TNFRSF10C: variants seen among roughly 807,000 people sequenced by gnomAD.
The protein encoded by TNFRSF10C is TNF receptor superfamily member 10c.
Under a neutral mutation model 16.7 loss-of-function variants are expected in TNFRSF10C, and 17 were observed. That is an observed-to-expected ratio of 1.02 (90% CI 0.70 to 1.53). The LOEUF is 1.53. TNFRSF10C is among the 40% of genes most tolerant of loss of function. The pLI, the probability that TNFRSF10C is intolerant of heterozygous loss-of-function variation, is 0.00. For synonymous variants in TNFRSF10C, 73 were observed against 119.7 expected, an observed-to-expected ratio of 0.61 and a Z score of 2.55; for missense variants, 237 against 329.7, an observed-to-expected ratio of 0.72 and a Z score of 2.18.
intron 1 of TNFRSF10C, among the ~76,000 whole-genome samples, chr8:23,107,950 A>G (rs1813808041): frequency 6.6e-6 from 1 of 152,228 alleles, no homozygotes; most frequent in South Asian, 2.1e-4. Flanking sequence ...TGCCATGGCT[A>G]TCTCAGTATC....
chr8:23,107,311 A>T (rs1813797133), intron 1 of TNFRSF10C, among the ~76,000 whole-genome samples: 2 of 152,234 alleles, frequency 1.3e-5, no homozygotes. Context: ...TATTCTGACA[A>T]AAAGCAGAAT....
At chr8:23,109,359 C>T (rs943465820) in intron 1 of TNFRSF10C, among the ~76,000 whole-genome samples, 12 of 151,950 alleles carry the variant, frequency 7.9e-5, no homozygotes, top group South Asian at 2.1e-4. Context: ...AATTATGGGC[C>T]GGGCACGGTG....
rs1168364470 is a variant in TNFRSF10C, at chr8:23,116,651, G to A, written c.400G>A (p.Gly134Arg). ...TCTGTGTGTACCCAGGTGCCCTAGT[G>A]GGGAAGTCCAAGTCAGTAATTGTAC... ...MCRKCSRCPS[G>R]EVQVSNCTSW... Residue 134 changes from glycine (G) to arginine (R), a missense_variant, in exon 5 of 5, where the codon GGG (glycine) becomes AGG (arginine). By Grantham distance (125) the Gly-to-Arg change is moderately radical. Around this residue, in one of 2 missense-constraint regions of TNFRSF10C, gnomAD observed 212 missense variants for 196.8 expected, o/e 1.08. Transcript: ENST00000356864. 1 of 1,613,646 alleles carries A rather than the reference G, an allele frequency of 6.2e-7. No individual in the cohort carries two copies. The highest frequency in any genetic ancestry group is 2.2e-5 in the East Asian group (1 of 44,872).
chr8:23,103,507 C>T, intron 1 of TNFRSF10C: 1 of 451,256 alleles, frequency 2.2e-6, no homozygotes, highest in South Asian at 2.8e-5. Flanking sequence ...TTGCCTCTCT[C>T]ATTAATTAAT....
Position 23,103,042 on chromosome 8 carries a change from C to G in TNFRSF10C, c.-80C>G, listed in dbSNP as rs1563340842. On this transcript the variant is annotated 5_prime_UTR_variant, in exon 1 of 5. Coordinates refer to ENST00000356864, the MANE Select transcript of TNFRSF10C (RefSeq NM_003841.5). ...GAGCGCTTCCTACCGTTAGGGAACTCTGGGGACAGAGCGCCCCGGCCGCCT... is the reference window on the plus strand; with the variant it reads ...GAGCGCTTCCTACCGTTAGGGAACTGTGGGGACAGAGCGCCCCGGCCGCCT... 6.4e-7 allele frequency: 1 copy of G among 1,569,732 alleles called. No individual in the cohort carries two copies. Among genetic ancestry groups the G allele is most frequent in the East Asian group, 2.3e-5 (1 of 42,850 alleles).
Position 23,115,620 on chromosome 8 carries a change from A to G in TNFRSF10C, c.389+4A>G. The G allele has an allele frequency of 6.2e-7, 1 of 1,612,596 alleles. No individual in the cohort carries two copies. Among genetic ancestry groups the G allele is most frequent in the Admixed American group, 1.7e-5 (1 of 59,888 alleles). ...AGATGTGCCGGAAGTGTAGCAGGTG[A>G]GACAGCAGTCAGGGGCTCCTGACAG... On this transcript the variant is annotated splice_donor_region_variant and intron_variant, in intron 4 of 4. Coordinates refer to ENST00000356864, the MANE Select transcript of TNFRSF10C (RefSeq NM_003841.5).
rs369679371 is a variant in TNFRSF10C, at chr8:23,109,522, A to T, written c.61-2198A>T. On this transcript the variant is annotated intron_variant, in intron 1 of 4. Transcript: ENST00000356864. The stretch of plus-strand genomic sequence containing the variant: ...CGTGGTGGCGGGCACCTGTAGTCCC[A>T]GTTACTTGGGAGGCTGAGGCAGGAG... Among the ~76,000 whole-genome samples, 7 of 152,056 alleles carry T rather than the reference A, an allele frequency of 4.6e-5. 1 individual carries two copies. Among genetic ancestry groups the T allele is most frequent in the Admixed American group, 1.3e-4 (2 of 15,260 alleles).
chr8:23,105,209 G>C (rs756486263), intron 1 of TNFRSF10C, among the ~76,000 whole-genome samples: 22 of 152,176 alleles, frequency 1.4e-4, no homozygotes, highest in Non-Finnish European at 2.8e-4. Context: ...TGTGACTCTG[G>C]TGTGGCCCCA....
chr8:23,103,100 G>C lies in TNFRSF10C; in HGVS notation c.-22G>C. On this transcript the variant is annotated 5_prime_UTR_variant, in exon 1 of 5. Coordinates refer to ENST00000356864, the MANE Select transcript of TNFRSF10C (RefSeq NM_003841.5). ...GAGGCAGGGTGCGACCCAGGACCCA[G>C]GACGGCGTCGGGAACCATACCATGG... 1 of 1,607,742 alleles carries C rather than the reference G, an allele frequency of 6.2e-7. No individual in the cohort carries two copies. The highest frequency in any genetic ancestry group is 8.5e-7 in the Non-Finnish European group (1 of 1,177,510).
chr8:23,110,218 A>C (rs1813854991), intron 1 of TNFRSF10C, among the ~76,000 whole-genome samples: 1 of 152,104 alleles, frequency 6.6e-6, no homozygotes, highest in Admixed American at 6.5e-5. Flanking sequence ...CTGAACCTAG[A>C]GGGACTCCAA....
At chr8:23,103,452 TC>T in intron 1 of TNFRSF10C, 1 of 605,370 alleles carries the variant, frequency 1.7e-6, no homozygotes, top group Non-Finnish European at 2.9e-6. Flanking sequence ...AGGGAGGGAG[TC>T]AAGGTGGAAC....
At chr8:23,113,623 C>T (rs1813922188) in intron 2 of TNFRSF10C, among the ~76,000 whole-genome samples, 2 of 152,116 alleles carry the variant, frequency 1.3e-5, no homozygotes, top group East Asian at 3.8e-4. Context: ...TTGATTTATA[C>T]CTGGGTTCAC....
chr8:23,110,568 T>C (rs1010273045), intron 1 of TNFRSF10C, among the ~76,000 whole-genome samples: 19 of 152,340 alleles, frequency 1.2e-4, no homozygotes, highest in African/African-American at 4.6e-4. Flanking sequence ...CTATCCGCAC[T>C]CTATTCCGAT....
intron 3 of TNFRSF10C, 109 bp from the exon 4 acceptor site, chr8:23,115,399 G>A (rs1647648378): frequency 1.2e-6 from 1 of 860,934 alleles, no homozygotes; most frequent in Admixed American, 2.3e-5. Context: ...CTGGCCCTTA[G>A]AACTCCTTGG....
chr8:23,110,804 G>A (rs560529897), intron 1 of TNFRSF10C, among the ~76,000 whole-genome samples: 1 of 152,320 alleles, frequency 6.6e-6, no homozygotes, highest in Admixed American at 6.5e-5. Flanking sequence ...ATGTTTAAGT[G>A]TGTGTCTGTG....
chr8:23,109,365 C>T (rs1207572979), intron 1 of TNFRSF10C, among the ~76,000 whole-genome samples: 6 of 152,010 alleles, frequency 3.9e-5, no homozygotes, highest in Non-Finnish European at 7.4e-5. Flanking sequence ...GGGCCGGGCA[C>T]GGTGGCTCAC....
At position 23,109,434 on chromosome 8, in the gene TNFRSF10C, G is replaced by A. The variant is rs551082774; in HGVS notation, c.61-2286G>A. ...GGGTGGATCACGAGGTCAGAAAATCGAGACCATCCTGGCTAACACGGTGAA... is the reference window on the plus strand; with the variant it reads ...GGGTGGATCACGAGGTCAGAAAATCAAGACCATCCTGGCTAACACGGTGAA... On this transcript the variant is annotated intron_variant, in intron 1 of 4. Transcript: ENST00000356864. Among the ~76,000 whole-genome samples the A allele has an allele frequency of 1.2e-4, 18 of 152,028 alleles. No homozygotes were observed. In the South Asian group the frequency reaches 2.1e-3, roughly 18 times the overall value.
intron 1 of TNFRSF10C, among the ~76,000 whole-genome samples, chr8:23,109,023 T>C (rs1326813882): frequency 2.6e-5 from 4 of 152,194 alleles, no homozygotes; most frequent in African/African-American, 9.7e-5. Flanking sequence ...GGTAAGATAT[T>C]TCAAAGTAAG....
At chr8:23,114,559 T>C in intron 2 of TNFRSF10C, 98 bp from the exon 3 acceptor site, 1 of 931,848 alleles carries the variant, frequency 1.1e-6, no homozygotes, top group Non-Finnish European at 1.7e-6. Context: ...TTTCTCTGTC[T>C]CAATTCCAGT....
Sources: allele counts gnomAD v4.1 joint callset (sites outside exome capture counted in the v4.1 genomes callset), GRCh38; gene constraint gnomAD v4.1.1; regional missense constraint gnomAD v4.1.1; transcripts MANE v1.5; gene names NCBI Gene and HGNC (gene_info 2026-07-23, HGNC 2026-07-21).